The following C1orf21 variants were observed in gnomAD, a reference collection of about 807,000 sequenced individuals.
The protein encoded by C1orf21 is uncharacterized protein C1orf21.
A neutral mutation model predicts 18.7 loss-of-function variants in C1orf21; 3 were observed. The ratio of observed to expected loss-of-function variants is 0.16; its 90% CI spans 0.07 to 0.42. The LOEUF is 0.42. Ranked by LOEUF, C1orf21 falls within the 10% of genes least tolerant of loss-of-function variation. The probability of loss-of-function intolerance (pLI) is 0.99; values close to 1 mark genes in which losing one functional copy is unlikely to be tolerated. For missense variants in C1orf21, 104 were observed against 143.6 expected (o/e 0.72, Z 1.41); for synonymous variants, 41 against 46.4 (o/e 0.88, Z 0.47).
In C1orf21 at chr1:184,619,639, T is replaced by A; in HGVS notation, c.*83T>A. On this transcript the variant is annotated 3_prime_UTR_variant, in exon 6 of 6. Transcript: ENST00000235307. ...TTGAAATCTTTGCAAAGGTCGGTTCTATTCAGCGAACAGCACTATAGCAAA... is the reference window on the plus strand; with the variant it reads ...TTGAAATCTTTGCAAAGGTCGGTTCAATTCAGCGAACAGCACTATAGCAAA... 7.5e-7 allele frequency: 1 copy of A among 1,332,204 alleles called. No homozygotes were observed. The highest frequency in any genetic ancestry group is 1.1e-6 in the Non-Finnish European group (1 of 943,262). 82.5% of individuals were successfully genotyped at this position (1,332,204 alleles called of 1,614,324 possible).
intron 3 of C1orf21, among the ~76,000 whole-genome samples, chr1:184,571,582 C>G (rs1659114145): frequency 6.6e-6 from 1 of 152,176 alleles, no homozygotes; most frequent in African/African-American, 2.4e-5. Context: ...CACTTCATCC[C>G]TTTCCATGAC....
At chr1:184,489,396 C>CAAAG (rs1419802253) in intron 2 of C1orf21, among the ~76,000 whole-genome samples, 1 of 152,002 alleles carries the variant, frequency 6.6e-6, no homozygotes, top group Non-Finnish European at 1.5e-5. Context: ...GCAAAAAAAC[C>CAAAG]CAAAGCAAAA....
At chr1:184,588,253 G>A (rs1055676227) in intron 3 of C1orf21, among the ~76,000 whole-genome samples, 2 of 152,188 alleles carry the variant, frequency 1.3e-5, no homozygotes, top group Non-Finnish European at 2.9e-5. Context: ...TCTCTTGCCA[G>A]TGATAAAATT....
intron 1 of C1orf21, among the ~76,000 whole-genome samples, chr1:184,391,456 T>G (rs1483219680): frequency 6.6e-6 from 1 of 152,182 alleles, no homozygotes; most frequent in Non-Finnish European, 1.5e-5. Context: ...CCATAGCAGC[T>G]AGCACACTAC....
chr1:184,457,423 C>T (rs936319639), intron 1 of C1orf21, among the ~76,000 whole-genome samples: 1 of 152,086 alleles, frequency 6.6e-6, no homozygotes, highest in Non-Finnish European at 1.5e-5. Flanking sequence ...GACATGGATT[C>T]CAGCTGGAAG....
At chr1:184,582,459 C>T (rs924954804) in intron 3 of C1orf21, among the ~76,000 whole-genome samples, 2 of 152,214 alleles carry the variant, frequency 1.3e-5, no homozygotes, top group Non-Finnish European at 1.5e-5. Flanking sequence ...CAATTTAGTG[C>T]TTTTATGTCT....
At chr1:184,411,711 C>A (rs1003620881) in intron 1 of C1orf21, among the ~76,000 whole-genome samples, 1 of 152,086 alleles carries the variant, frequency 6.6e-6, no homozygotes, top group Non-Finnish European at 1.5e-5. Flanking sequence ...CGTGAGCCAC[C>A]GCGCCCAGCC....
intron 2 of C1orf21, among the ~76,000 whole-genome samples, chr1:184,495,526 A>T (rs1454149377): frequency 6.6e-6 from 1 of 152,170 alleles, no homozygotes; most frequent in Non-Finnish European, 1.5e-5. Flanking sequence ...AGAAAAAATT[A>T]ACGTCAATAT....
chr1:184,524,502 A>G (rs749257328), intron 3 of C1orf21, among the ~76,000 whole-genome samples: 2 of 152,166 alleles, frequency 1.3e-5, no homozygotes, highest in Non-Finnish European at 2.9e-5. Context: ...AAGATGGAAA[A>G]AAATCATGAC....
chr1:184,523,180 T>A (rs1277193014), intron 3 of C1orf21, among the ~76,000 whole-genome samples: 1 of 152,170 alleles, frequency 6.6e-6, no homozygotes, highest in African/African-American at 2.4e-5. Flanking sequence ...TTGCGCATAA[T>A]GACTTCGTTG....
intron 3 of C1orf21, among the ~76,000 whole-genome samples, chr1:184,524,868 T>C (rs896834532): frequency 2.0e-5 from 3 of 152,092 alleles, no homozygotes; most frequent in African/African-American, 7.2e-5. Flanking sequence ...GATGAGAGAA[T>C]TGAGCAGGGA....
chr1:184,438,923 A>C (rs1656901836), intron 1 of C1orf21, among the ~76,000 whole-genome samples: 1 of 152,174 alleles, frequency 6.6e-6, no homozygotes. Flanking sequence ...ATTAAAAACT[A>C]TTCTTGGCTG....
chr1:184,471,303 G>A (rs956275390), intron 1 of C1orf21, among the ~76,000 whole-genome samples: 14 of 152,108 alleles, frequency 9.2e-5, no homozygotes, highest in African/African-American at 3.1e-4. Context: ...TGAAATCAAC[G>A]CTATTAGGCC....
chr1:184,584,713 A>G (rs1659329341), intron 3 of C1orf21, among the ~76,000 whole-genome samples: 1 of 152,248 alleles, frequency 6.6e-6, no homozygotes, highest in Non-Finnish European at 1.5e-5. Flanking sequence ...TGGTGTATCC[A>G]TACATTGGAA....
intron 3 of C1orf21, among the ~76,000 whole-genome samples, chr1:184,561,930 T>TC (rs1193235687): frequency 6.6e-6 from 1 of 151,978 alleles, no homozygotes; most frequent in Non-Finnish European, 1.5e-5. Context: ...TTTGGGCACT[T>TC]CCCCCCACCC....
intron 1 of C1orf21, among the ~76,000 whole-genome samples, chr1:184,446,851 GTT>G (rs928078620): frequency 4.0e-4 from 52 of 129,082 alleles, no homozygotes; most frequent in African/African-American, 8.6e-4. Context: ...TTTTTTCGTG[GTT>G]TTTTTTTTTT....
intron 3 of C1orf21, among the ~76,000 whole-genome samples, chr1:184,574,920 G>T (rs986118071): frequency 6.6e-6 from 1 of 152,186 alleles, no homozygotes; most frequent in Non-Finnish European, 1.5e-5. Context: ...GCTCAGCTCG[G>T]GTGTCTTAGG....
chr1:184,426,513 T>G (rs1298942481), intron 1 of C1orf21, among the ~76,000 whole-genome samples: 5 of 152,298 alleles, frequency 3.3e-5, no homozygotes, highest in African/African-American at 1.2e-4. Context: ...CCACAGGTTG[T>G]CTTTCAGTTC....
In C1orf21 at chr1:184,402,800, A is replaced by C. The variant is rs554975230; in HGVS notation, c.-125+15432A>C. On this transcript the variant is annotated intron_variant, in intron 1 of 5. Coordinates refer to ENST00000235307, the MANE Select transcript of C1orf21 (RefSeq NM_030806.4). ...AGGTTGTACAGTATGTCTTCATATT[A>C]AAACCATGGCAAGACGCCATTTCGC... is the stretch of plus-strand genomic sequence containing the variant. Among the ~76,000 whole-genome samples, 6 of 152,304 alleles carry C rather than the reference A, an allele frequency of 3.9e-5. No individual in the cohort carries two copies. In the South Asian group the frequency reaches 1.2e-3, roughly 32 times the overall value.
Sources: allele counts gnomAD v4.1 joint callset (sites outside exome capture counted in the v4.1 genomes callset), GRCh38; gene constraint gnomAD v4.1.1; transcripts MANE v1.5; gene names NCBI Gene and HGNC (gene_info 2026-07-23, HGNC 2026-07-21).